The following SENP6 variants were observed in gnomAD, a reference collection of about 807,000 sequenced individuals.
SENP6 encodes sentrin-specific protease 6.
A neutral mutation model predicts 134.5 loss-of-function variants in SENP6; 41 were observed. The observed-to-expected ratio is 0.30, with a 90% CI of 0.24 to 0.40. The LOEUF (loss-of-function observed/expected upper bound fraction) is 0.40. Among genes scored for constraint, SENP6 ranks in the 10% least tolerant of loss-of-function variants. The pLI, the probability that SENP6 is intolerant of heterozygous loss-of-function variation, is 1.00. For missense variants in SENP6, 1,248 were observed against 1,312.5 expected (o/e 0.95, Z 0.76); for synonymous variants, 395 against 429.8 (o/e 0.92, Z 1.00).
chr6:75,692,929 G>T (rs1208430447), intron 16 of SENP6, among the ~76,000 whole-genome samples: 2 of 152,176 alleles, frequency 1.3e-5, no homozygotes, highest in Admixed American at 6.5e-5. Context: ...AAGTTAGCCA[G>T]GTATGGTGGC....
intron 10 of SENP6, among the ~76,000 whole-genome samples, chr6:75,669,957 G>C (rs1309546696): frequency 2.6e-5 from 4 of 151,392 alleles, no homozygotes; most frequent in African/African-American, 9.7e-5. Context: ...TTTTAAGAAG[G>C]AATTTCGATC....
At chr6:75,687,968 T>C (rs1411260094) in intron 16 of SENP6, among the ~76,000 whole-genome samples, 1 of 151,426 alleles carries the variant, frequency 6.6e-6, no homozygotes, top group Non-Finnish European at 1.5e-5. Flanking sequence ...TGCAGTTGTC[T>C]GCTGCCTATT....
chr6:75,682,626 G>C lies in SENP6; in HGVS notation c.2075+3699G>C, dbSNP rs9447534. Reference sequence around the variant, plus strand: ...TGTATCCAAGTGATCTCATTGTTCAGTTGCCACCTATGAGTGAGAACATGC... The same window carrying C: ...TGTATCCAAGTGATCTCATTGTTCACTTGCCACCTATGAGTGAGAACATGC... On this transcript the variant is annotated intron_variant, in intron 16 of 23. Coordinates refer to ENST00000447266, the MANE Select transcript of SENP6 (RefSeq NM_015571.4). Among the ~76,000 whole-genome samples the C allele has an allele frequency of 6.7e-3, 1,015 of 151,912 alleles. 11 individuals carry two copies. Among genetic ancestry groups the C allele is most frequent in the African/African-American group, 0.024 (982 of 41,436 alleles).
At chr6:75,655,336 T>C (rs1161799780) in intron 7 of SENP6, 1 of 152,206 alleles carries the variant, frequency 6.6e-6, no homozygotes, top group African/African-American at 2.4e-5. Context: ...ATGAAATACA[T>C]AAATCTTAAG....
intron 12 of SENP6, 148 bp downstream of exon 12, chr6:75,675,616 G>A: frequency 5.9e-6 from 4 of 675,442 alleles, no homozygotes; most frequent in Non-Finnish European, 9.9e-6. Context: ...ATATCTTGGT[G>A]TAATTTCATT....
chr6:75,638,618 ATATATTTTTTTTTT>A (rs1184629165), intron 5 of SENP6, among the ~76,000 whole-genome samples: 7 of 34,512 alleles, frequency 2.0e-4, no homozygotes, highest in East Asian at 1.1e-3. Flanking sequence ...ATATATATAT[ATATATTTTTTTTTT>A]TTTTTTTTTT....
chr6:75,680,935 C>T (rs1773421264), intron 16 of SENP6, among the ~76,000 whole-genome samples: 1 of 152,022 alleles, frequency 6.6e-6, no homozygotes, highest in Non-Finnish European at 1.5e-5. Context: ...ACATAGTTGC[C>T]AGCAAAAACA....
intron 1 of SENP6, among the ~76,000 whole-genome samples, chr6:75,603,355 C>G (rs1233351876): frequency 6.6e-6 from 1 of 152,052 alleles, no homozygotes; most frequent in Non-Finnish European, 1.5e-5. Context: ...TAAGGACCCC[C>G]AAAATAGAGC....
intron 16 of SENP6, among the ~76,000 whole-genome samples, chr6:75,684,827 A>C (rs886596294): frequency 1.3e-5 from 2 of 152,190 alleles, no homozygotes; most frequent in Admixed American, 1.3e-4. Flanking sequence ...TTTTCACATC[A>C]ATGTTCATCA....
At chr6:75,688,012 T>C (rs1266457235) in intron 16 of SENP6, among the ~76,000 whole-genome samples, 1 of 152,196 alleles carries the variant, frequency 6.6e-6, no homozygotes, top group Non-Finnish European at 1.5e-5. Context: ...TGGTGGAGTC[T>C]AGAGGCAGTA....
At chr6:75,638,622 ATTT>A (rs57353168) in intron 5 of SENP6, among the ~76,000 whole-genome samples, 9 of 29,878 alleles carry the variant, frequency 3.0e-4, no homozygotes, top group Admixed American at 5.5e-4. Context: ...ATATATATAT[ATTT>A]TTTTTTTTTT....
intron 1 of SENP6, among the ~76,000 whole-genome samples, chr6:75,607,646 A>G (rs1357606470): frequency 1.3e-5 from 2 of 150,606 alleles, no homozygotes; most frequent in Non-Finnish European, 3.0e-5. Flanking sequence ...ATATACTACT[A>G]CTTTAGTTTG....
In SENP6 at chr6:75,678,820, A is replaced by G. The variant is rs190783749; in HGVS notation, c.1968A>G (p.Val656=). ...TCTAATTTTGTTACAGGTTGATAGT[A>G]TATCCACCACCTCCAGCTAAGGGAG... is the stretch of plus-strand genomic sequence containing the variant. ...IFIGPVEKLI[V]YPPPPAKGGI... The change falls in exon 16 of 24, where the codon GTA becomes GTG. Residue 656 remains valine (V), a synonymous_variant. Transcript: ENST00000447266. The G allele has an allele frequency of 3.9e-4, 624 of 1,583,656 alleles. 3 individuals are homozygous for G. In the African/African-American group the frequency reaches 7.7e-3, roughly 20 times the overall value.
chr6:75,686,028 C>CT (rs1187072594), intron 16 of SENP6, among the ~76,000 whole-genome samples: 1 of 150,192 alleles, frequency 6.7e-6, no homozygotes, highest in Admixed American at 6.7e-5. Context: ...GTGTGGGAGT[C>CT]TAAGTCTCTT....
chr6:75,660,750 G>C (rs1404450489), intron 8 of SENP6, among the ~76,000 whole-genome samples: 1 of 151,924 alleles, frequency 6.6e-6, no homozygotes, highest in Non-Finnish European at 1.5e-5. Flanking sequence ...TTCTGTCTCA[G>C]CCTCCTGAGT....
chr6:75,715,449 G>C lies in SENP6; in HGVS notation c.3194G>C (p.Arg1065Thr). The C allele has an allele frequency of 6.2e-7, 1 of 1,613,220 alleles. No homozygotes were observed. Among genetic ancestry groups the C allele is most frequent in the Non-Finnish European group, 8.5e-7 (1 of 1,179,538 alleles). The change falls in exon 24 of 24, where the codon AGA becomes ACA. Residue 1065 changes from arginine to threonine, a missense_variant. Transcript: ENST00000447266. ...AACTGGTTTCCTCCACCAAGAATGA[G>C]AACAAAAAGAGAAGAAATCCGAAAC... Reference protein sequence around the residue: ...LANWFPPPRMRTKREEIRNII... With the variant: ...LANWFPPPRMTTKREEIRNII...
At chr6:75,698,867 T>TG (rs1413277635) in intron 18 of SENP6, among the ~76,000 whole-genome samples, 1 of 151,790 alleles carries the variant, frequency 6.6e-6, no homozygotes, top group Non-Finnish European at 1.5e-5. Flanking sequence ...AAAAATTAGC[T>TG]GGGCGTGGTG....
intron 5 of SENP6, among the ~76,000 whole-genome samples, chr6:75,638,588 GTGTATA>G (rs1418920009): frequency 3.9e-4 from 12 of 31,036 alleles, no homozygotes; most frequent in African/African-American, 8.9e-4. Flanking sequence ...GTGTGTGTGT[GTGTATA>G]TATATATATA....
intron 16 of SENP6, among the ~76,000 whole-genome samples, chr6:75,682,628 T>A (rs1237650674): frequency 6.6e-6 from 1 of 152,162 alleles, no homozygotes; most frequent in Non-Finnish European, 1.5e-5. Flanking sequence ...ATTGTTCAGT[T>A]GCCACCTATG....
Sources: gnomAD v4.1 joint callset for allele counts (sites outside exome capture counted in the v4.1 genomes callset) on GRCh38, gnomAD v4.1.1 for gene constraint, MANE v1.5 for transcripts, NCBI Gene and HGNC (gene_info 2026-07-23, HGNC 2026-07-21) for gene names.